Variants in MBNL2 observed in about 807,000 individuals in gnomAD.
MBNL2 encodes the protein muscleblind-like protein 2.
MBNL2 carries 17 observed loss-of-function variants against 41.9 expected under a neutral mutation model. The ratio of observed to expected loss-of-function variants is 0.41; its 90% confidence interval spans 0.28 to 0.61. The LOEUF is 0.61. Among genes scored for constraint, MBNL2 ranks in the 20% least tolerant of loss-of-function variants. The probability of loss-of-function intolerance (pLI) is 0.35; values close to 1 mark genes in which losing one functional copy is unlikely to be tolerated. For synonymous variants in MBNL2, 195 were observed against 182.9 expected (o/e 1.07, Z -0.53); for missense variants, 336 against 505.6 (o/e 0.66, Z 3.22).
At chr13:97,254,964 G>A (rs1177004199) in intron 1 of MBNL2, among the ~76,000 whole-genome samples, 11 of 152,148 alleles carry the variant, frequency 7.2e-5, no homozygotes, top group Admixed American at 7.2e-4. Flanking sequence ...ATTTAGATGT[G>A]GAGAAGTATT....
intron 1 of MBNL2, among the ~76,000 whole-genome samples, chr13:97,249,343 C>T (rs904631032): frequency 3.9e-5 from 6 of 152,248 alleles, no homozygotes; most frequent in South Asian, 4.1e-4. Context: ...ATGACATGTT[C>T]GCAAGCATAA....
chr13:97,169,459 A>G, the MBNL2 span, among the ~76,000 whole-genome samples: 1 of 152,234 alleles, frequency 6.6e-6, no homozygotes, highest in Non-Finnish European at 1.5e-5. Flanking sequence ...TACTTCCTCC[A>G]TGTGTCCCCA....
In MBNL2 at chr13:97,377,688, T is replaced by G. The variant is rs189175250; in HGVS notation, c.1048+12517T>G. On this transcript the variant is annotated intron_variant, in intron 8 of 8. Coordinates refer to ENST00000679496, the MANE Select transcript of MBNL2 (RefSeq NM_001382683.1). Reference sequence around the variant, plus strand: ...AGGATTTAGGACAGAAGGAATTGTTTAAATCGATTCCTATTGTTCATATTC... The same window carrying G: ...AGGATTTAGGACAGAAGGAATTGTTGAAATCGATTCCTATTGTTCATATTC... Among the ~76,000 whole-genome samples, 311 of 152,358 alleles carry G rather than the reference T, an allele frequency of 2.0e-3. 2 individuals carry two copies. Among genetic ancestry groups the G allele is most frequent in the African/African-American group, 7.0e-3 (293 of 41,582 alleles).
At chr13:97,387,637 A>G (rs768671122) in intron 8 of MBNL2, among the ~76,000 whole-genome samples, 7 of 152,166 alleles carry the variant, frequency 4.6e-5, no homozygotes, top group African/African-American at 7.2e-5. Flanking sequence ...GACCGTCCCC[A>G]TGCCCTGGAG....
At chr13:97,226,894 C>T (rs904303598) in intron 1 of MBNL2, among the ~76,000 whole-genome samples, 1 of 152,128 alleles carries the variant, frequency 6.6e-6, no homozygotes. Context: ...AACAGGAAGT[C>T]TTAGACTCCT....
At chr13:97,350,235 C>G (rs1429598708) in intron 5 of MBNL2, among the ~76,000 whole-genome samples, 1 of 152,172 alleles carries the variant, frequency 6.6e-6, no homozygotes, top group Non-Finnish European at 1.5e-5. Context: ...AGAATATATA[C>G]ACACCTTAAT....
chr13:97,373,519 G>A (rs955480812), intron 8 of MBNL2, among the ~76,000 whole-genome samples: 2 of 150,910 alleles, frequency 1.3e-5, no homozygotes, highest in African/African-American at 4.9e-5. Flanking sequence ...AACACTATTC[G>A]TTAAAGCTCC....
intron 8 of MBNL2, among the ~76,000 whole-genome samples, chr13:97,384,092 G>A (rs1265385917): frequency 1.3e-5 from 2 of 151,878 alleles, no homozygotes; most frequent in Non-Finnish European, 2.9e-5. Flanking sequence ...TAGAGACAGG[G>A]TTTCAACCAC....
rs867304117 is a variant in MBNL2, at chr13:97,244,708, C to T, written c.-605+22177C>T. 8.5e-5 allele frequency among the ~76,000 whole-genome samples: 13 copies of T among 152,260 alleles called. No individual in the cohort carries two copies. The Middle Eastern group carries it at 0.017, about 199-fold the overall frequency. ...GTCAAAGAATCAGACATTTGTTTCA[C>T]GGTGCTTGTTTTGAAGAAATCAGTT... On this transcript the variant is annotated intron_variant, in intron 1 of 8. Coordinates refer to ENST00000679496, the MANE Select transcript of MBNL2 (RefSeq NM_001382683.1).
intron 5 of MBNL2, among the ~76,000 whole-genome samples, chr13:97,352,644 CAA>C (rs2062606609): frequency 6.6e-6 from 1 of 152,134 alleles, no homozygotes; most frequent in South Asian, 2.1e-4. Flanking sequence ...CAAAATGTGA[CAA>C]AGACACAAAG....
intron 5 of MBNL2, among the ~76,000 whole-genome samples, chr13:97,354,661 C>T (rs942114974): frequency 6.6e-6 from 1 of 152,216 alleles, no homozygotes; most frequent in Non-Finnish European, 1.5e-5. Flanking sequence ...TTCCAGGTGA[C>T]AATCCTAAAG....
chr13:97,192,529 A>G, the MBNL2 span, among the ~76,000 whole-genome samples: 1 of 152,390 alleles, frequency 6.6e-6, no homozygotes, highest in East Asian at 1.9e-4. Flanking sequence ...GAACTCCTCA[A>G]TATAGACAGA....
At position 97,377,216 on chromosome 13, in the gene MBNL2, T is replaced by C. The variant is rs2065043474; in HGVS notation, c.1048+12045T>C. ...TCCAGTTTAGAGAAGCTGAAGAAATTGCTCAAGATCATACTATAACATTAA... is the reference window on the plus strand; with the variant it reads ...TCCAGTTTAGAGAAGCTGAAGAAATCGCTCAAGATCATACTATAACATTAA... On this transcript the variant is annotated intron_variant, in intron 8 of 8. Transcript: ENST00000679496. Among the ~76,000 whole-genome samples, 3 of 152,206 alleles carry C rather than the reference T, an allele frequency of 2.0e-5. 1 individual carries two copies. In the South Asian group the frequency reaches 6.2e-4, roughly 32 times the overall value.
intron 1 of MBNL2, among the ~76,000 whole-genome samples, chr13:97,224,178 A>T (rs1027588187): frequency 6.6e-6 from 1 of 152,192 alleles, no homozygotes; most frequent in African/African-American, 2.4e-5. Context: ...GGTGCAGCCC[A>T]GCGCTGCCAC....
the MBNL2 span, among the ~76,000 whole-genome samples, chr13:97,212,842 A>G: frequency 3.4e-4 from 52 of 152,312 alleles, no homozygotes; most frequent in South Asian, 5.0e-3. Context: ...GAGATGAGTA[A>G]CACATTTTCC....
chr13:97,329,768 C>T, intron 2 of MBNL2, among the ~76,000 whole-genome samples: 1 of 18 alleles, frequency 0.056, no homozygotes, highest in South Asian at 0.5. Flanking sequence ...ACACAGCACA[C>T]ACACAACAGG....
chr13:97,191,060 T>C, the MBNL2 span, among the ~76,000 whole-genome samples: 2 of 152,218 alleles, frequency 1.3e-5, no homozygotes, highest in South Asian at 2.1e-4. Flanking sequence ...AGTCATACTA[T>C]TGTGTAGACA....
chr13:97,246,741 C>T (rs1475896582), intron 1 of MBNL2, among the ~76,000 whole-genome samples: 3 of 152,180 alleles, frequency 2.0e-5, no homozygotes, highest in African/African-American at 7.2e-5. Context: ...AAAAAAGATG[C>T]ATTGTACCAA....
the MBNL2 span, among the ~76,000 whole-genome samples, chr13:97,160,860 C>G: frequency 1.3e-5 from 2 of 152,240 alleles, no homozygotes; most frequent in South Asian, 2.1e-4. Context: ...TTACATTTTT[C>G]TAACACTATA....
Sources: gnomAD v4.1 joint callset for allele counts (sites outside exome capture counted in the v4.1 genomes callset) on GRCh38, gnomAD v4.1.1 for gene constraint, MANE v1.5 for transcripts, NCBI Gene and HGNC (gene_info 2026-07-23, HGNC 2026-07-21) for gene names.